The following IL4I1 variants were observed in gnomAD, a reference collection of about 807,000 sequenced individuals.
IL4I1 encodes L-amino-acid oxidase.
Under a neutral mutation model 29.7 loss-of-function variants are expected in IL4I1, and 24 were observed. The observed-to-expected ratio is 0.81, with a 90% CI of 0.59 to 1.14. IL4I1 has a LOEUF of 1.14. IL4I1 is among the 50% of genes most tolerant of loss of function. The pLI, the probability that IL4I1 is intolerant of heterozygous loss-of-function variation, is 0.00. For missense variants in IL4I1, 686 were observed against 785.6 expected (o/e 0.87, Z 1.52); for synonymous variants, 371 against 352.5 (o/e 1.05, Z -0.59).
chr19:49,915,967 T>G (rs77512020), intron 2 of IL4I1, among the ~76,000 whole-genome samples: 2,311 of 152,362 alleles, frequency 0.015, 70 homozygotes, highest in African/African-American at 0.053. Flanking sequence ...TGTTCCCTGC[T>G]GTATTCGCAG....
At chr19:49,917,561 G>A (rs1325367911) in intron 2 of IL4I1, 2 of 152,290 alleles carry the variant, frequency 1.3e-5, no homozygotes, top group African/African-American at 4.8e-5. Flanking sequence ...TTGGGAGCAT[G>A]AGACCATGAG....
chr19:49,913,590 C>T (rs905710248), intron 2 of IL4I1, among the ~76,000 whole-genome samples: 2 of 152,244 alleles, frequency 1.3e-5, no homozygotes, highest in South Asian at 2.1e-4. Context: ...GAGCACTGTC[C>T]GCGGGACTCT....
chr19:49,889,937 G>A lies in IL4I1; in HGVS notation c.1437C>T (p.Ala479=), dbSNP rs111587296. 1.2e-6 allele frequency: 2 copies of A among 1,604,184 alleles called. No individual in the cohort carries two copies. The highest frequency in any genetic ancestry group is 1.7e-6 in the Non-Finnish European group (2 of 1,175,922). The change falls in exon 8 of 8, where the codon GCC becomes GCT. Residue 479 remains alanine, a synonymous_variant. Transcript: ENST00000391826. ...WTVPYGRIYF[A]GEHTAYPHGW... ...CGTGCGGGTAGGCGGTGTGCTCGCC[G>A]GCAAAGTAGATGCGGCCATAAGGGA...
intron 2 of IL4I1, among the ~76,000 whole-genome samples, chr19:49,926,654 AGTCT>A (rs1417253945): frequency 2.0e-5 from 3 of 152,210 alleles, no homozygotes; most frequent in African/African-American, 7.2e-5. Context: ...TACCACTGGC[AGTCT>A]GCCCAACAGT....
chr19:49,905,551 C>T (rs1054955679), intron 2 of IL4I1, among the ~76,000 whole-genome samples: 14 of 152,174 alleles, frequency 9.2e-5, no homozygotes, highest in African/African-American at 3.4e-4. Context: ...ATGGTTTCTA[C>T]TTAGACACAA....
chr19:49,904,859 G>A (rs886962159), intron 2 of IL4I1, among the ~76,000 whole-genome samples: 9 of 151,946 alleles, frequency 5.9e-5, no homozygotes, highest in African/African-American at 1.9e-4. Flanking sequence ...ATAGGCGCCT[G>A]CCACCACACC....
intron 2 of IL4I1, chr19:49,908,056 G>A (rs2075362919): frequency 7.6e-7 from 1 of 1,312,030 alleles, no homozygotes; most frequent in Non-Finnish European, 1.0e-6. Flanking sequence ...TGCCTGGGCA[G>A]AAGGCCCAGA....
chr19:49,928,495 C>A lies in IL4I1; in HGVS notation c.-349-680G>T, dbSNP rs1340623661. On this transcript the variant is annotated intron_variant, in intron 1 of 9. Coordinates refer to the IL4I1 transcript ENST00000341114. The stretch of plus-strand genomic sequence containing the variant: ...TCGCGCCACTGCACTCCAGCCTGGG[C>A]GACAGAGACGGAGAGACTCCGTCTC... 7 of 142,688 alleles carry A rather than the reference C, an allele frequency of 4.9e-5. No homozygotes were observed. The Admixed American group carries it at 5.2e-4, about 11-fold the overall frequency. The allele number at this position is 142,688 out of a possible 1,614,324, so 8.8% of individuals were successfully genotyped here.
At chr19:49,919,369 G>A (rs1345171719) in intron 2 of IL4I1, among the ~76,000 whole-genome samples, 1 of 152,126 alleles carries the variant, frequency 6.6e-6, no homozygotes, top group Non-Finnish European at 1.5e-5. Flanking sequence ...GCACACAAAA[G>A]GCCGCCTGCT....
intron 2 of IL4I1, among the ~76,000 whole-genome samples, chr19:49,914,220 G>A (rs773698012): frequency 2.0e-5 from 3 of 152,166 alleles, no homozygotes; most frequent in Admixed American, 1.3e-4. Flanking sequence ...AAACTATTAC[G>A]AGCTCTGATC....
Position 49,890,084 on chromosome 19 carries a change from G to A in IL4I1, c.1290C>T (p.Val430=). The change falls in exon 8 of 8, where the codon GTC becomes GTT. Residue 430 remains valine (V), a synonymous_variant. Coordinates refer to ENST00000391826, the MANE Select transcript of IL4I1 (RefSeq NM_152899.2). Reference sequence around the variant, plus strand: ...CGGTGCCGTCCCAGAGCTGGCGCACGACAGGCCCGTGCAATGCCGCCACGT... The same window carrying A: ...CGGTGCCGTCCCAGAGCTGGCGCACAACAGGCCCGTGCAATGCCGCCACGT... ...LDDVAALHGP[V]VRQLWDGTGV... The A allele has an allele frequency of 1.3e-6, 2 of 1,547,506 alleles. No homozygotes were observed. Among genetic ancestry groups the A allele is most frequent in the South Asian group, 1.2e-5 (1 of 84,158 alleles).
chr19:49,895,775 C>T, intron 3 of IL4I1, 40 bp downstream of exon 3: 2 of 1,599,878 alleles, frequency 1.3e-6, no homozygotes, highest in South Asian at 1.1e-5. Flanking sequence ...CAGCCTGCAG[C>T]AGGAGGGACT....
intron 2 of IL4I1, among the ~76,000 whole-genome samples, chr19:49,911,792 C>T (rs1223026537): frequency 1.3e-5 from 2 of 152,196 alleles, no homozygotes; most frequent in African/African-American, 4.8e-5. Flanking sequence ...GATGCTGTGG[C>T]CCTGGCATTT....
chr19:49,917,473 G>A (rs1048582323), intron 2 of IL4I1: 1 of 152,280 alleles, frequency 6.6e-6, no homozygotes, highest in African/African-American at 2.4e-5. Context: ...GAAGTCAACT[G>A]ACCAACACCT....
chr19:49,898,281 A>G (rs1241215573), upstream of IL4I1, among the ~76,000 whole-genome samples: 1 of 152,154 alleles, frequency 6.6e-6, no homozygotes, highest in Non-Finnish European at 1.5e-5. Flanking sequence ...AGATCGTGCC[A>G]CTGCACTCTA....
intron 2 of IL4I1, among the ~76,000 whole-genome samples, chr19:49,914,854 C>T (rs2122664685): frequency 6.6e-6 from 1 of 151,044 alleles, no homozygotes; most frequent in East Asian, 2.0e-4. Flanking sequence ...ATTCTCCCAC[C>T]TCAGCCTCCC....
At chr19:49,890,929 G>GGCCCCCCCCCCCCC in intron 7 of IL4I1, 42 bp downstream of exon 7, 2 of 454,450 alleles carry the variant, frequency 4.4e-6, no homozygotes, top group South Asian at 3.4e-5. Context: ...TTCCCTGATT[G>GGCCCCCCCCCCCCC]CCCCCCGCCC....
intron 2 of IL4I1, among the ~76,000 whole-genome samples, chr19:49,923,008 A>T (rs565422176): frequency 1.3e-5 from 2 of 152,256 alleles, no homozygotes; most frequent in East Asian, 3.9e-4. Flanking sequence ...CCAGACCACT[A>T]AGCGGTGAGT....
chr19:49,898,996 C>T (rs1285246977), upstream of IL4I1, among the ~76,000 whole-genome samples: 1 of 152,234 alleles, frequency 6.6e-6, no homozygotes, highest in Non-Finnish European at 1.5e-5. Flanking sequence ...GGGGAAAAGG[C>T]TTGGCCTAGG....
Sources: gnomAD v4.1 joint callset for allele counts (sites outside exome capture counted in the v4.1 genomes callset) on GRCh38, gnomAD v4.1.1 for gene constraint, MANE v1.5 for transcripts, NCBI Gene and HGNC (gene_info 2026-07-23, HGNC 2026-07-21) for gene names.